The following TRAF3IP1 variants were observed in gnomAD, a reference collection of about 807,000 sequenced individuals.
TRAF3IP1 encodes TRAF3-interacting protein 1.
In TRAF3IP1, 53 loss-of-function variants were observed where a neutral mutation model predicts 89.9. The ratio of observed to expected loss-of-function variants is 0.59; its 90% CI spans 0.47 to 0.74. TRAF3IP1 has a LOEUF of 0.74. TRAF3IP1 is among the 30% of genes least tolerant of loss of function. The probability of loss-of-function intolerance (pLI) is 0.00; values close to 1 mark genes in which losing one functional copy is unlikely to be tolerated. For synonymous variants in TRAF3IP1, 311 were observed against 322.1 expected (o/e 0.97, Z 0.37); for missense variants, 806 against 866.1 (o/e 0.93, Z 0.87).
chr2:238,384,509 A>T (rs1574969338), intron 15 of TRAF3IP1, among the ~76,000 whole-genome samples: 1 of 147,626 alleles, frequency 6.8e-6, no homozygotes, highest in East Asian at 2.0e-4. Context: ...AGTAGCTGGG[A>T]TTACAGATGC....
At position 238,392,106 on chromosome 2, in the gene TRAF3IP1, G is replaced by A. The variant is rs145984883; in HGVS notation, c.1690-5353G>A. 4.6e-3 allele frequency among the ~76,000 whole-genome samples: 695 copies of A among 152,294 alleles called. 31 individuals are homozygous for A. The East Asian group carries it at 0.11, about 25-fold the overall frequency. ...AATAGACGCCCAGGTGTGGTGGCAC[G>A]TGCCTGTAGCCCCAGCTACTTTGGC... On this transcript the variant is annotated intron_variant, in intron 15 of 16. Transcript: ENST00000373327.
intron 15 of TRAF3IP1, among the ~76,000 whole-genome samples, chr2:238,358,893 G>C (rs1699540425): frequency 6.6e-6 from 1 of 152,140 alleles, no homozygotes; most frequent in Non-Finnish European, 1.5e-5. Flanking sequence ...TAGCATTCAA[G>C]AGCCAGTGTC....
intron 15 of TRAF3IP1, among the ~76,000 whole-genome samples, chr2:238,384,493 C>T (rs1049865123): frequency 1.3e-5 from 2 of 151,362 alleles, no homozygotes; most frequent in South Asian, 4.2e-4. Context: ...CTGCCTCAGC[C>T]TCTGGAGTAG....
rs1395152942 is a variant in TRAF3IP1 at position 238,352,939 on chromosome 2, G to T, written c.1564G>T (p.Glu522Ter). The T allele has an allele frequency of 6.2e-7, 1 of 1,610,034 alleles. No homozygotes were observed. Among genetic ancestry groups the T allele is most frequent in the Non-Finnish European group, 8.5e-7 (1 of 1,179,058 alleles). ...EAAPQLSEMS[E>*]IEMVTAVELE... is the part of the protein sequence containing the mutation. ...TGCCCCTCAGCTCTCTGAAATGTCA[G>T]AAATTGAAATGGTTAGTTAACCGAA... Residue 522 changes from glutamate (E) to a stop codon, truncating the protein, a stop_gained, in exon 13 of 17, where the codon GAA becomes TAA. Coordinates refer to ENST00000373327, the MANE Select transcript of TRAF3IP1 (RefSeq NM_015650.4). LOFTEE classifies it high-confidence loss of function.
chr2:238,341,549 A>T (rs557841014), intron 8 of TRAF3IP1, among the ~76,000 whole-genome samples: 5,463 of 112,960 alleles, frequency 0.048, 333 homozygotes, highest in African/African-American at 0.21. Context: ...TTTTTTTTAA[A>T]AAAAAAACAC....
At chr2:238,324,837 T>C (rs1433176923) in intron 1 of TRAF3IP1, among the ~76,000 whole-genome samples, 1 of 151,488 alleles carries the variant, frequency 6.6e-6, no homozygotes, top group Non-Finnish European at 1.5e-5. Flanking sequence ...CTTCTGACCT[T>C]GTGATTTGTC....
chr2:238,385,342 T>G (rs1453346380), intron 15 of TRAF3IP1, among the ~76,000 whole-genome samples: 3 of 152,192 alleles, frequency 2.0e-5, no homozygotes, highest in African/African-American at 7.2e-5. Context: ...TGTTGACTAC[T>G]TACCTTACAT....
chr2:238,376,028 A>G (rs1700300337), intron 15 of TRAF3IP1, among the ~76,000 whole-genome samples: 2 of 152,166 alleles, frequency 1.3e-5, no homozygotes, highest in Admixed American at 1.3e-4. Flanking sequence ...TCTCTGCCCC[A>G]GAGGTTAGCA....
chr2:238,336,916 C>T (rs145413924), intron 7 of TRAF3IP1, among the ~76,000 whole-genome samples: 2 of 152,056 alleles, frequency 1.3e-5, no homozygotes, highest in African/African-American at 4.8e-5. Flanking sequence ...GCTTTACTGC[C>T]TGGTCCTGTG....
At chr2:238,328,451 A>G (rs541245045) in intron 3 of TRAF3IP1, among the ~76,000 whole-genome samples, 2 of 152,364 alleles carry the variant, frequency 1.3e-5, no homozygotes, top group East Asian at 3.8e-4. Context: ...ACCAGGATTC[A>G]TTTAGCTTGG....
intron 8 of TRAF3IP1, among the ~76,000 whole-genome samples, chr2:238,341,275 G>A (rs1272324507): frequency 1.3e-5 from 2 of 150,594 alleles, no homozygotes; most frequent in Non-Finnish European, 2.9e-5. Context: ...TTTCACCTCA[G>A]ACTCCCAAAG....
chr2:238,353,329 C>CA, intron 14 of TRAF3IP1, 120 bp downstream of exon 14: 1 of 1,100,096 alleles, frequency 9.1e-7, no homozygotes, highest in Non-Finnish European at 1.3e-6. Flanking sequence ...TGGTCTGGGT[C>CA]ACACTGGCGG....
Position 238,325,370 on chromosome 2 carries a change from T to A in TRAF3IP1, c.188T>A (p.Val63Glu). 1 of 1,614,154 alleles carries A rather than the reference T, an allele frequency of 6.2e-7. No homozygotes were observed. The highest frequency in any genetic ancestry group is 8.5e-7 in the Non-Finnish European group (1 of 1,180,036). The change falls in exon 2 of 17, where the codon GTG becomes GAG. Residue 63 changes from valine (V) to glutamate (E), a missense_variant. Around this residue, in one of 3 missense-constraint regions of TRAF3IP1, gnomAD observed 732 missense variants for 780.5 expected, o/e 0.94. Coordinates refer to ENST00000373327, the MANE Select transcript of TRAF3IP1 (RefSeq NM_015650.4). ...YTDAEMKSDN[V>E]KDKDAKISFL... Reference sequence around the variant, plus strand: ...GACGCCGAGATGAAGTCTGATAATGTGAAGGTGGGTTTGAGTCGGGCTTCT... The same window carrying A: ...GACGCCGAGATGAAGTCTGATAATGAGAAGGTGGGTTTGAGTCGGGCTTCT...
At chr2:238,397,094 A>G (rs1701259849) in intron 15 of TRAF3IP1, among the ~76,000 whole-genome samples, 1 of 152,166 alleles carries the variant, frequency 6.6e-6, no homozygotes, top group East Asian at 1.9e-4. Context: ...AAAATCTTCC[A>G]TGTCACTAAG....
intron 15 of TRAF3IP1, among the ~76,000 whole-genome samples, chr2:238,364,672 C>T (rs1699800712): frequency 6.6e-6 from 1 of 151,674 alleles, no homozygotes; most frequent in Non-Finnish European, 1.5e-5. Context: ...TTTTTAGATG[C>T]TTTTTCTTTT....
intron 15 of TRAF3IP1, among the ~76,000 whole-genome samples, chr2:238,358,084 T>G (rs1362781962): frequency 2.0e-5 from 3 of 151,836 alleles, no homozygotes; most frequent in African/African-American, 7.3e-5. Flanking sequence ...AAATTTAACT[T>G]GTTGGTCTTC....
At chr2:238,375,737 A>C (rs1700285862) in intron 15 of TRAF3IP1, among the ~76,000 whole-genome samples, 1 of 152,136 alleles carries the variant, frequency 6.6e-6, no homozygotes. Flanking sequence ...CAAACTTTTC[A>C]ATCTTTTCTC....
chr2:238,328,876 T>C, intron 4 of TRAF3IP1, 47 bp downstream of exon 4: 1 of 1,596,488 alleles, frequency 6.3e-7, no homozygotes, highest in East Asian at 2.2e-5. Context: ...GTGAGTCTTT[T>C]TGTAGTTTAG....
intron 15 of TRAF3IP1, among the ~76,000 whole-genome samples, chr2:238,396,037 C>T (rs1701200371): frequency 6.6e-6 from 1 of 151,948 alleles, no homozygotes; most frequent in South Asian, 2.1e-4. Flanking sequence ...GGGTATATAC[C>T]CAAAGGATTA....
Sources: gnomAD v4.1 joint callset for allele counts (sites outside exome capture counted in the v4.1 genomes callset) on GRCh38, gnomAD v4.1.1 for gene constraint, gnomAD v4.1.1 regional missense constraint, MANE v1.5 for transcripts, NCBI Gene and HGNC (gene_info 2026-07-23, HGNC 2026-07-21) for gene names.